IBTK: variants seen among roughly 807,000 people sequenced by gnomAD.
IBTK encodes the protein BTK-binding protein.
IBTK carries 83 observed loss-of-function variants against 154.9 expected under a neutral mutation model. The ratio of observed to expected loss-of-function variants is 0.54; its 90% CI spans 0.45 to 0.64. The LOEUF (loss-of-function observed/expected upper bound fraction) is 0.64. Ranked by LOEUF, IBTK falls within the 30% of genes least tolerant of loss-of-function variation. The probability of loss-of-function intolerance (pLI) is 0.00; values close to 1 mark genes in which losing one functional copy is unlikely to be tolerated. For synonymous variants in IBTK, 515 were observed against 536.1 expected, an observed-to-expected ratio of 0.96 and a Z score of 0.54; for missense variants, 1,332 against 1,584.6, an observed-to-expected ratio of 0.84 and a Z score of 2.71.
At chr6:82,209,250 C>T (rs891502554) in intron 16 of IBTK, among the ~76,000 whole-genome samples, 1 of 151,968 alleles carries the variant, frequency 6.6e-6, no homozygotes, top group Non-Finnish European at 1.5e-5. Flanking sequence ...AAACATAGGC[C>T]CACGCAAAAA....
chr6:82,183,125 T>C (rs1017602338), intron 25 of IBTK, among the ~76,000 whole-genome samples: 1 of 152,212 alleles, frequency 6.6e-6, no homozygotes, highest in Non-Finnish European at 1.5e-5. Flanking sequence ...AGAAATCTTA[T>C]AGAGCCAGGT....
At chr6:82,244,172 C>G (rs913750286) in intron 1 of IBTK, among the ~76,000 whole-genome samples, 2 of 152,180 alleles carry the variant, frequency 1.3e-5, no homozygotes, top group African/African-American at 4.8e-5. Context: ...TAACATGGTA[C>G]CTGGCACTAA....
chr6:82,213,055 C>G (rs1769711340), intron 12 of IBTK, among the ~76,000 whole-genome samples: 1 of 151,394 alleles, frequency 6.6e-6, no homozygotes, highest in Non-Finnish European at 1.5e-5. Flanking sequence ...TGAGACGAAG[C>G]CTCGCTCTGT....
chr6:82,235,149 G>A (rs896420655), intron 2 of IBTK, among the ~76,000 whole-genome samples: 5 of 151,916 alleles, frequency 3.3e-5, no homozygotes, highest in African/African-American at 4.8e-5. Context: ...GTGAGCCACC[G>A]TTCCCGGCCA....
At chr6:82,177,768 T>C (rs1237922026) in intron 26 of IBTK, among the ~76,000 whole-genome samples, 1 of 152,126 alleles carries the variant, frequency 6.6e-6, no homozygotes, top group Non-Finnish European at 1.5e-5. Flanking sequence ...CAGGCTTGTC[T>C]CAAACTCCTG....
At chr6:82,229,368 T>A (rs1485297084) in intron 4 of IBTK, among the ~76,000 whole-genome samples, 3 of 152,196 alleles carry the variant, frequency 2.0e-5, no homozygotes, top group Non-Finnish European at 4.4e-5. Context: ...GACATTTCAA[T>A]CACCCTCTGA....
At position 82,171,493 on chromosome 6, in the gene IBTK, A is replaced by C; in HGVS notation, c.3994T>G (p.Phe1332Val). ...TGCGGTGTCCTTTCAACAATGACAA[A>C]CTCTTCAGGGTTGCCAAATGCCTCA... Reference protein sequence around the residue: ...FYEAFGNPEEFVIVERTPQGP... With the variant: ...FYEAFGNPEEVVIVERTPQGP... The change falls in exon 29 of 29, where the codon TTT (phenylalanine) becomes GTT (valine). Residue 1332 changes from phenylalanine to valine, a missense_variant. Physicochemically the swap from Phe to Val is conservative, Grantham distance 50 (BLOSUM62 -1). Transcript: ENST00000306270. 5 of 1,613,004 alleles carry C rather than the reference A, an allele frequency of 3.1e-6. No homozygotes were observed. The East Asian group carries it at 1.1e-4, about 36-fold the overall frequency.
intron 25 of IBTK, among the ~76,000 whole-genome samples, chr6:82,184,045 CTG>C (rs1409681694): frequency 6.6e-6 from 1 of 152,206 alleles, no homozygotes; most frequent in Non-Finnish European, 1.5e-5. Context: ...CTGTGGGACT[CTG>C]TTACAGCAGC....
In IBTK at chr6:82,227,198, T is replaced by C. The variant is rs1474212345; in HGVS notation, c.648A>G (p.Thr216=). The C allele has an allele frequency of 3.7e-6, 6 of 1,600,026 alleles. No individual in the cohort carries two copies. Among genetic ancestry groups the C allele is most frequent in the African/African-American group, 2.7e-5 (2 of 74,502 alleles). Reference sequence around the variant, plus strand: ...GTAATGACATTTCAATTACCAAGCATGTCTGTTCATCTCCATGTCCTAATC... The same window carrying C: ...GTAATGACATTTCAATTACCAAGCACGTCTGTTCATCTCCATGTCCTAATC... ...GGRLGHGDEQ[T]CLVPRLVEGL... is the part of the protein sequence containing the mutation. Residue 216 remains threonine, a synonymous_variant, in exon 5 of 29, where the codon ACA becomes ACG. Transcript: ENST00000306270.
chr6:82,225,410 CA>C (rs1464329351), intron 6 of IBTK, 66 bp downstream of exon 6: 17 of 1,277,774 alleles, frequency 1.3e-5, no homozygotes, highest in East Asian at 4.8e-5. Context: ...CAATAACTTA[CA>C]TTTTTTTGTT....
At chr6:82,193,526 G>A (rs1195886055) in intron 23 of IBTK, among the ~76,000 whole-genome samples, 1 of 151,978 alleles carries the variant, frequency 6.6e-6, no homozygotes, top group Non-Finnish European at 1.5e-5. Flanking sequence ...GCAAAATATA[G>A]CCTATTTCAA....
chr6:82,237,585 G>C (rs758478079), intron 2 of IBTK, among the ~76,000 whole-genome samples: 1 of 150,642 alleles, frequency 6.6e-6, no homozygotes, highest in Non-Finnish European at 1.5e-5. Flanking sequence ...AGTAGTAGTA[G>C]TAGTAGTGGT....
rs1294129199 is a variant in IBTK at position 82,170,906 on chromosome 6, G to A, written c.*519C>T. On this transcript the variant is annotated 3_prime_UTR_variant, in exon 29 of 29. Coordinates refer to ENST00000306270, the MANE Select transcript of IBTK (RefSeq NM_015525.4). ...AGCTTTGAAGAGACATGGACCACAT[G>A]ATTAGCCTGATTTTTAAAAAGCAAC... is the stretch of plus-strand genomic sequence containing the variant. The A allele has an allele frequency of 6.5e-6, 1 of 153,432 alleles. No individual in the cohort carries two copies. Among genetic ancestry groups the A allele is most frequent in the Non-Finnish European group, 1.4e-5 (1 of 69,068 alleles). The allele number at this position is 153,432 out of a possible 1,614,324, so 9.5% of individuals were successfully genotyped here.
At chr6:82,198,015 G>A (rs1251423598) in intron 21 of IBTK, among the ~76,000 whole-genome samples, 7 of 152,132 alleles carry the variant, frequency 4.6e-5, no homozygotes, top group African/African-American at 1.2e-4. Flanking sequence ...AGGAAAATAC[G>A]GACCTGGAAT....
At chr6:82,223,245 C>T (rs1440874951) in intron 8 of IBTK, among the ~76,000 whole-genome samples, 195 bp downstream of exon 8, 1 of 152,148 alleles carries the variant, frequency 6.6e-6, no homozygotes, top group African/African-American at 2.4e-5. Flanking sequence ...TTACAATTTA[C>T]ACAGAAATTT....
At chr6:82,220,840 T>A in intron 8 of IBTK, 127 bp from the exon 9 acceptor site, 1 of 787,074 alleles carries the variant, frequency 1.3e-6, no homozygotes, top group Non-Finnish European at 1.9e-6. Flanking sequence ...TAAAATGATT[T>A]GGTCTTTGGT....
At chr6:82,196,640 G>T (rs576786469) in intron 21 of IBTK, among the ~76,000 whole-genome samples, 194 bp from the exon 22 acceptor site, 25 of 152,102 alleles carry the variant, frequency 1.6e-4, no homozygotes, top group Non-Finnish European at 2.9e-4. Context: ...AACTGAAATG[G>T]AAGAGATTCT....
At chr6:82,189,910 C>A (rs1018358285) in intron 25 of IBTK, among the ~76,000 whole-genome samples, 3 of 152,152 alleles carry the variant, frequency 2.0e-5, no homozygotes. Context: ...AAAGAAAGCA[C>A]AACTCAGTAT....
intron 11 of IBTK, among the ~76,000 whole-genome samples, chr6:82,215,797 A>G (rs1437959847): frequency 1.1e-4 from 17 of 151,638 alleles, no homozygotes; most frequent in African/African-American, 2.9e-4. Context: ...AAAAAAAAAA[A>G]AAAGAAAGAC....
Sources: allele counts gnomAD v4.1 joint callset (sites outside exome capture counted in the v4.1 genomes callset), GRCh38; gene constraint gnomAD v4.1.1; transcripts MANE v1.5; gene names NCBI Gene and HGNC (gene_info 2026-07-23, HGNC 2026-07-21).